The following DIP2C variants were observed in gnomAD, a reference collection of about 807,000 sequenced individuals.
DIP2C encodes DIP2 acetate--CoA ligase C (putative).
A neutral mutation model predicts 192.4 loss-of-function variants in DIP2C; 33 were observed. The observed-to-expected ratio is 0.17, with a 90% confidence interval of 0.13 to 0.23. DIP2C has a LOEUF of 0.23. Ranked by LOEUF, DIP2C falls within the 10% of genes least tolerant of loss-of-function variation. The pLI, the probability that DIP2C is intolerant of heterozygous loss-of-function variation, is 1.00. For synonymous variants in DIP2C, 979 were observed against 864.1 expected, an observed-to-expected ratio of 1.13 and a Z score of -2.33; for missense variants, 1,537 against 2,110.1, an observed-to-expected ratio of 0.73 and a Z score of 5.32.
intron 17 of DIP2C, among the ~76,000 whole-genome samples, chr10:379,312 T>TC (rs1166495773): frequency 1.3e-5 from 2 of 148,524 alleles, no homozygotes; most frequent in African/African-American, 4.9e-5. Flanking sequence ...TGCCCGTGCA[T>TC]CCTGCGTATT....
At chr10:424,181 G>A (rs1226351832) in intron 4 of DIP2C, among the ~76,000 whole-genome samples, 2 of 152,118 alleles carry the variant, frequency 1.3e-5, no homozygotes, top group Admixed American at 6.5e-5. Flanking sequence ...GAGAGGAGAA[G>A]TCACGGCAAA....
intron 17 of DIP2C, among the ~76,000 whole-genome samples, chr10:380,765 C>G (rs980579593): frequency 6.6e-6 from 1 of 152,182 alleles, no homozygotes; most frequent in Non-Finnish European, 1.5e-5. Flanking sequence ...CTTGCCAGAC[C>G]TCACTTAGTA....
chr10:612,440 C>T (rs1853160260), intron 1 of DIP2C, among the ~76,000 whole-genome samples: 2 of 152,134 alleles, frequency 1.3e-5, no homozygotes, highest in South Asian at 2.1e-4. Flanking sequence ...GAAAGAAGTT[C>T]CCCAAGGATG....
chr10:406,944 G>A (rs866577588), intron 9 of DIP2C, among the ~76,000 whole-genome samples: 1 of 152,004 alleles, frequency 6.6e-6, no homozygotes, highest in African/African-American at 2.4e-5. Flanking sequence ...GAAGACAGCA[G>A]GAAAAACTCA....
At chr10:599,103 C>T (rs1420704944) in intron 1 of DIP2C, among the ~76,000 whole-genome samples, 5 of 152,176 alleles carry the variant, frequency 3.3e-5, no homozygotes, top group Non-Finnish European at 7.4e-5. Context: ...CACAGCCACT[C>T]TCCCAGCGTG....
intron 2 of DIP2C, among the ~76,000 whole-genome samples, chr10:485,381 G>GCCCCCCC (rs1441903649): frequency 6.6e-6 from 1 of 152,148 alleles, no homozygotes; most frequent in African/African-American, 2.4e-5. Flanking sequence ...GAAGCCTCTC[G>GCCCCCCC]CCCCAGCATT....
At chr10:570,709 T>C (rs1027933780) in intron 1 of DIP2C, among the ~76,000 whole-genome samples, 4 of 152,214 alleles carry the variant, frequency 2.6e-5, no homozygotes, top group Non-Finnish European at 5.9e-5. Flanking sequence ...TTAAAGTCTG[T>C]TGAGAGGAGG....
At chr10:519,745 C>T (rs1846581575) in intron 1 of DIP2C, among the ~76,000 whole-genome samples, 1 of 152,258 alleles carries the variant, frequency 6.6e-6, no homozygotes. Flanking sequence ...TCCTGCTCAT[C>T]GCTAACACTT....
chr10:471,604 GT>G (rs1376009764), intron 3 of DIP2C, among the ~76,000 whole-genome samples: 3 of 152,132 alleles, frequency 2.0e-5, no homozygotes, highest in Non-Finnish European at 2.9e-5. Context: ...CACGAATCGG[GT>G]CCATCACCAG....
intron 8 of DIP2C, among the ~76,000 whole-genome samples, chr10:411,380 C>T (rs1192823132): frequency 6.6e-6 from 1 of 152,128 alleles, no homozygotes; most frequent in Admixed American, 6.5e-5. Flanking sequence ...TATGAAATGC[C>T]ACGGGTAGTC....
intron 1 of DIP2C, among the ~76,000 whole-genome samples, chr10:598,287 G>A (rs576800001): frequency 4.6e-5 from 7 of 152,060 alleles, no homozygotes; most frequent in African/African-American, 1.7e-4. Flanking sequence ...CGGCCACCAA[G>A]GGCCTCTCTT....
At chr10:320,236 C>T in intron 31 of DIP2C, among the ~76,000 whole-genome samples, 1 of 152,194 alleles carries the variant, frequency 6.6e-6, no homozygotes, top group East Asian at 1.9e-4. Flanking sequence ...TGTATTTACA[C>T]ACACAGATTG....
chr10:532,632 T>A lies in DIP2C; in HGVS notation c.86-46102A>T, dbSNP rs867695084. Among the ~76,000 whole-genome samples the A allele has an allele frequency of 3.1e-3, 346 of 112,738 alleles. 21 individuals carry two copies. The highest frequency in any genetic ancestry group is 0.013 in the African/African-American group (299 of 22,926). The allele number at this position is 112,738 out of a possible 152,430, so 74.0% of individuals were successfully genotyped here. On this transcript the variant is annotated intron_variant, in intron 1 of 36. Transcript: ENST00000280886. ...ATGGGTGTGAGAGAGAGTATGGGTG[T>A]GAGAGAGAGTATGGGTGTGAGAGAG...
chr10:422,467 G>C (rs1250720309), intron 5 of DIP2C, among the ~76,000 whole-genome samples: 1 of 152,178 alleles, frequency 6.6e-6, no homozygotes, highest in African/African-American at 2.4e-5. Context: ...TGTGGTTAAA[G>C]CCCTCGTTTC....
At chr10:512,789 C>G (rs949489514) in intron 1 of DIP2C, among the ~76,000 whole-genome samples, 15 of 151,794 alleles carry the variant, frequency 9.9e-5, no homozygotes, top group Non-Finnish European at 1.9e-4. Flanking sequence ...TGGTGGGTGC[C>G]TGTAATCCCA....
intron 17 of DIP2C, among the ~76,000 whole-genome samples, chr10:380,161 ACAG>A (rs1245702757): frequency 3.6e-5 from 3 of 83,090 alleles, no homozygotes; most frequent in African/African-American, 8.7e-5. Flanking sequence ...TGGTTAACGC[ACAG>A]AAGAGGCTGT....
intron 22 of DIP2C, among the ~76,000 whole-genome samples, chr10:359,215 G>T (rs1959197838): frequency 6.6e-6 from 1 of 152,196 alleles, no homozygotes; most frequent in South Asian, 2.1e-4. Flanking sequence ...ACCAGAACAA[G>T]GCAGTCAGGG....
At chr10:397,196 T>TA (rs1964055511) in intron 10 of DIP2C, among the ~76,000 whole-genome samples, 1 of 152,182 alleles carries the variant, frequency 6.6e-6, no homozygotes, top group African/African-American at 2.4e-5. Context: ...TGTTGCCTTT[T>TA]AGAGCTGGAA....
At chr10:519,344 C>CG (rs995594379) in intron 1 of DIP2C, among the ~76,000 whole-genome samples, 2 of 152,206 alleles carry the variant, frequency 1.3e-5, no homozygotes, top group Non-Finnish European at 2.9e-5. Flanking sequence ...GAAAGACCCC[C>CG]GGGGGCTGGA....
Sources: gnomAD v4.1 joint callset for allele counts (sites outside exome capture counted in the v4.1 genomes callset) on GRCh38, gnomAD v4.1.1 for gene constraint, MANE v1.5 for transcripts, NCBI Gene and HGNC (gene_info 2026-07-23, HGNC 2026-07-21) for gene names.